Variants in IGSF21 observed in about 807,000 individuals in gnomAD.
The protein encoded by IGSF21 is immunoglobin superfamily member 21.
Under a neutral mutation model 46.8 loss-of-function variants are expected in IGSF21, and 28 were observed. The observed-to-expected ratio is 0.60, with a 90% CI of 0.44 to 0.82. The LOEUF is 0.82. Ranked by LOEUF, IGSF21 falls within the 40% of genes least tolerant of loss-of-function variation. IGSF21 has a pLI of 0.00. For synonymous variants in IGSF21, 284 were observed against 273.6 expected (o/e 1.04, Z -0.38); for missense variants, 624 against 665.5 (o/e 0.94, Z 0.69).
chr1:18,204,643 A>T (rs2087108001), intron 1 of IGSF21, among the ~76,000 whole-genome samples: 1 of 152,140 alleles, frequency 6.6e-6, no homozygotes, highest in African/African-American at 2.4e-5. Context: ...TCCAGTTTAC[A>T]AACACACAAG....
intron 6 of IGSF21, among the ~76,000 whole-genome samples, chr1:18,374,187 C>T (rs2086256880): frequency 6.6e-6 from 1 of 152,214 alleles, no homozygotes; most frequent in African/African-American, 2.4e-5. Flanking sequence ...GGTTTCCCAT[C>T]TGCAAAACGA....
intron 1 of IGSF21, chr1:18,115,849 G>GAA (rs1222451481): frequency 8.7e-5 from 7 of 80,132 alleles, no homozygotes; most frequent in African/African-American, 3.3e-4. Flanking sequence ...AAGGAAGAAA[G>GAA]AAAGAAAGAA....
intron 2 of IGSF21, among the ~76,000 whole-genome samples, chr1:18,230,625 G>A (rs1333793704): frequency 1.3e-5 from 2 of 152,080 alleles, no homozygotes; most frequent in Admixed American, 1.3e-4. Context: ...AAGGATGGGG[G>A]CAGAGGAAGG....
At chr1:18,361,947 G>T in intron 4 of IGSF21, 168 bp from the exon 5 acceptor site, 1 of 592,278 alleles carries the variant, frequency 1.7e-6, no homozygotes. Flanking sequence ...CAGCAAGGAC[G>T]TGTTCCTCAC....
intron 2 of IGSF21, among the ~76,000 whole-genome samples, chr1:18,255,558 A>G: frequency 6.6e-6 from 1 of 151,088 alleles, no homozygotes; most frequent in Non-Finnish European, 1.5e-5. Flanking sequence ...CCTCACTCTC[A>G]TTTCTTTGGC....
chr1:18,309,057 G>GC (rs1294717534), intron 3 of IGSF21, among the ~76,000 whole-genome samples: 3 of 151,924 alleles, frequency 2.0e-5, no homozygotes, highest in Non-Finnish European at 2.9e-5. Context: ...CTGGGTGAGA[G>GC]CCCCCTCACT....
At chr1:18,366,545 A>C (rs954596815) in intron 6 of IGSF21, among the ~76,000 whole-genome samples, 3 of 152,196 alleles carry the variant, frequency 2.0e-5, no homozygotes, top group Non-Finnish European at 4.4e-5. Flanking sequence ...CAGTTGCTGC[A>C]TAAGGGTTGC....
intron 4 of IGSF21, among the ~76,000 whole-genome samples, chr1:18,351,806 G>A (rs1220292512): frequency 6.6e-6 from 1 of 152,188 alleles, no homozygotes; most frequent in South Asian, 2.1e-4. Flanking sequence ...ACACCCCATA[G>A]ATTTCATCTC....
chr1:18,347,847 C>G (rs1204082853), intron 4 of IGSF21, among the ~76,000 whole-genome samples: 1 of 152,198 alleles, frequency 6.6e-6, no homozygotes, highest in Non-Finnish European at 1.5e-5. Context: ...TTTCGTTTCT[C>G]ATGCTTACAA....
chr1:18,153,476 G>A (rs78562663), intron 1 of IGSF21, among the ~76,000 whole-genome samples: 2 of 152,166 alleles, frequency 1.3e-5, no homozygotes, highest in Non-Finnish European at 2.9e-5. Flanking sequence ...GACCCTAAGC[G>A]CAGCCAAACC....
At chr1:18,189,617 A>T (rs1384631898) in intron 1 of IGSF21, among the ~76,000 whole-genome samples, 1 of 151,796 alleles carries the variant, frequency 6.6e-6, no homozygotes, top group South Asian at 2.1e-4. Flanking sequence ...AGACAGTGAC[A>T]GATCATCAGG....
intron 1 of IGSF21, among the ~76,000 whole-genome samples, chr1:18,124,762 C>T (rs917414352): frequency 8.5e-5 from 13 of 152,194 alleles, no homozygotes; most frequent in Non-Finnish European, 1.5e-4. Context: ...AAAAGCTTCC[C>T]GCAGACAACA....
intron 3 of IGSF21, among the ~76,000 whole-genome samples, chr1:18,302,214 C>T (rs972975611): frequency 5.9e-5 from 9 of 152,288 alleles, no homozygotes; most frequent in African/African-American, 2.2e-4. Flanking sequence ...CAGCAGCCCT[C>T]CCCAACCCTC....
chr1:18,114,818 C>A (rs1162932864), intron 1 of IGSF21: 1 of 152,156 alleles, frequency 6.6e-6, no homozygotes, highest in Non-Finnish European at 1.5e-5. Flanking sequence ...GCGAGCTCAG[C>A]CTTCCTCCCA....
At chr1:18,176,646 CT>C (rs1296221957) in intron 1 of IGSF21, among the ~76,000 whole-genome samples, 2 of 152,234 alleles carry the variant, frequency 1.3e-5, no homozygotes, top group Non-Finnish European at 2.9e-5. Context: ...ATCTGCGCCC[CT>C]GACCCTGTGA....
At chr1:18,185,447 G>T (rs374131407) in intron 1 of IGSF21, among the ~76,000 whole-genome samples, 1 of 152,180 alleles carries the variant, frequency 6.6e-6, no homozygotes, top group East Asian at 1.9e-4. Context: ...CCAGAGTTCC[G>T]CCAGGCAGCA....
In IGSF21 at chr1:18,225,105, A is replaced by T. The variant is rs1299943193; in HGVS notation, c.71-2793A>T. Among the ~76,000 whole-genome samples, 26 of 136,546 alleles carry T rather than the reference A, an allele frequency of 1.9e-4. 1 individual carries two copies. In the East Asian group the frequency reaches 4.9e-3, roughly 26 times the overall value. The allele number at this position is 136,546 out of a possible 152,430, so 89.6% of individuals were successfully genotyped here. A position where few individuals can be genotyped will look rare whatever the true frequency, so the allele number is the denominator to read the frequency against. ...CTCTCTCACACACACACACACACAC[A>T]CACACACACACACACACACACACAA... On this transcript the variant is annotated intron_variant, in intron 1 of 9. Transcript: ENST00000251296.
At chr1:18,249,098 T>G (rs1263835975) in intron 2 of IGSF21, among the ~76,000 whole-genome samples, 1 of 152,126 alleles carries the variant, frequency 6.6e-6, no homozygotes, top group Non-Finnish European at 1.5e-5. Context: ...AAGGAATGGA[T>G]AGCAGCCAGA....
intron 2 of IGSF21, among the ~76,000 whole-genome samples, chr1:18,256,338 G>T (rs975429028): frequency 6.6e-6 from 1 of 152,214 alleles, no homozygotes; most frequent in African/African-American, 2.4e-5. Flanking sequence ...TTATTAAAGT[G>T]AATTCTAATT....
Sources: allele counts gnomAD v4.1 joint callset (sites outside exome capture counted in the v4.1 genomes callset), GRCh38; gene constraint gnomAD v4.1.1; transcripts MANE v1.5; gene names NCBI Gene and HGNC (gene_info 2026-07-23, HGNC 2026-07-21).